Variants in VTI1A observed in about 807,000 individuals in gnomAD.
The protein encoded by VTI1A is vesicle transport through interaction with t-SNAREs 1A.
A neutral mutation model predicts 34.9 loss-of-function variants in VTI1A; 22 were observed. That is an observed-to-expected ratio of 0.63 (90% CI 0.45 to 0.90). The LOEUF (loss-of-function observed/expected upper bound fraction) is 0.90, where lower values mean the gene tolerates loss of function less well. Among genes scored for constraint, VTI1A ranks in the 40% least tolerant of loss-of-function variants. VTI1A has a pLI of 0.00. For synonymous variants in VTI1A, 87 were observed against 97.3 expected (o/e 0.89, Z 0.62); for missense variants, 268 against 275.6 (o/e 0.97, Z 0.20).
chr10:112,794,392 C>T (rs1852599170), intron 7 of VTI1A, among the ~76,000 whole-genome samples: 1 of 151,824 alleles, frequency 6.6e-6, no homozygotes, highest in African/African-American at 2.4e-5. Flanking sequence ...CCCATTGCTA[C>T]AAAAAATAAA....
Position 112,510,576 on chromosome 10 carries a change from C to T in VTI1A, c.265-16511C>T, listed in dbSNP as rs73365023. On this transcript the variant is annotated intron_variant, in intron 3 of 7. Transcript: ENST00000393077. ...GGTTGAGACTGGAAGGTTGTGGCTT[C>T]GGTGAGCTATGACTGTGCCACTGGT... Among the ~76,000 whole-genome samples, 615 of 152,154 alleles carry T rather than the reference C, an allele frequency of 4.0e-3. 6 individuals carry two copies. Among genetic ancestry groups the T allele is most frequent in the African/African-American group, 0.014 (590 of 41,514 alleles).
At chr10:112,692,943 TG>T (rs1848656307) in intron 7 of VTI1A, among the ~76,000 whole-genome samples, 1 of 152,168 alleles carries the variant, frequency 6.6e-6, no homozygotes, top group Non-Finnish European at 1.5e-5. Context: ...GTAAATCTGG[TG>T]CCTTGTGCAT....
intron 5 of VTI1A, among the ~76,000 whole-genome samples, chr10:112,551,242 TC>T (rs1851349038): frequency 2.1e-5 from 1 of 48,004 alleles, no homozygotes; most frequent in Non-Finnish European, 3.4e-5. Context: ...ATACTCCATC[TC>T]AAAAAAAAAA....
chr10:112,558,793 A>G (rs1851620803), intron 5 of VTI1A, among the ~76,000 whole-genome samples: 1 of 152,238 alleles, frequency 6.6e-6, no homozygotes, highest in African/African-American at 2.4e-5. Context: ...GGCAACAAAG[A>G]AAGAGATGTG....
chr10:112,546,589 C>T (rs1350136625), intron 5 of VTI1A, among the ~76,000 whole-genome samples: 1 of 151,990 alleles, frequency 6.6e-6, no homozygotes, highest in Non-Finnish European at 1.5e-5. Context: ...AGTAAAGCAT[C>T]CAGTAACCCA....
At chr10:112,694,386 GTGGA>G (rs992377962) in intron 7 of VTI1A, among the ~76,000 whole-genome samples, 17 of 147,638 alleles carry the variant, frequency 1.2e-4, no homozygotes, top group Non-Finnish European at 2.4e-4. Flanking sequence ...GGATGGATGG[GTGGA>G]TGGATGGATG....
At chr10:112,700,814 A>G (rs1390141605) in intron 7 of VTI1A, among the ~76,000 whole-genome samples, 1 of 152,220 alleles carries the variant, frequency 6.6e-6, no homozygotes, top group African/African-American at 2.4e-5. Flanking sequence ...AAAGTTACAG[A>G]TATTATATGA....
At chr10:112,855,305 C>T in the VTI1A span, among the ~76,000 whole-genome samples, 2 of 152,158 alleles carry the variant, frequency 1.3e-5, no homozygotes, top group African/African-American at 4.8e-5. Flanking sequence ...AGGAACCTGG[C>T]TTCTTCCCGC....
chr10:112,559,734 A>G (rs1176635900), intron 5 of VTI1A, among the ~76,000 whole-genome samples: 2 of 152,166 alleles, frequency 1.3e-5, no homozygotes, highest in Non-Finnish European at 2.9e-5. Context: ...ACTTCAATAA[A>G]ATGTTAATTC....
rs563106984 is a variant in VTI1A at position 112,638,129 on chromosome 10, G to A, written c.428-30089G>A. Among the ~76,000 whole-genome samples, 120 of 152,354 alleles carry A rather than the reference G, an allele frequency of 7.9e-4. 1 individual carries two copies. Among genetic ancestry groups the A allele is most frequent in the African/African-American group, 2.8e-3 (118 of 41,578 alleles). On this transcript the variant is annotated intron_variant, in intron 5 of 7. Transcript: ENST00000393077. ...TTGAGATTTCTGAGCAGGGCTGGTT[G>A]TTGGCAGAGAGTTCTCAGTGTATTA...
chr10:112,643,664 A>G (rs1846667139), intron 5 of VTI1A, among the ~76,000 whole-genome samples: 1 of 152,318 alleles, frequency 6.6e-6, no homozygotes, highest in East Asian at 1.9e-4. Flanking sequence ...TCATCGAGAG[A>G]ATCTCATTCT....
chr10:112,723,618 C>A (rs919780893), intron 7 of VTI1A, among the ~76,000 whole-genome samples: 2 of 152,198 alleles, frequency 1.3e-5, no homozygotes, highest in African/African-American at 4.8e-5. Flanking sequence ...GCTGATCAAA[C>A]CTGTGGTTTG....
At chr10:112,638,967 T>C (rs1158010581) in intron 5 of VTI1A, among the ~76,000 whole-genome samples, 1 of 152,098 alleles carries the variant, frequency 6.6e-6, no homozygotes, top group Non-Finnish European at 1.5e-5. Flanking sequence ...CCTGTTTCTT[T>C]CTACAAAATG....
chr10:112,584,743 A>T (rs1844081970), intron 5 of VTI1A, among the ~76,000 whole-genome samples: 1 of 152,214 alleles, frequency 6.6e-6, no homozygotes, highest in Non-Finnish European at 1.5e-5. Context: ...TGGAGTATAG[A>T]TAGAATTATT....
At chr10:112,591,688 G>A (rs1227075071) in intron 5 of VTI1A, among the ~76,000 whole-genome samples, 3 of 152,112 alleles carry the variant, frequency 2.0e-5, no homozygotes, top group Admixed American at 1.3e-4. Context: ...AAGCTCCTTC[G>A]CTATATTCCC....
At chr10:112,477,689 A>G (rs1164816257) in intron 3 of VTI1A, among the ~76,000 whole-genome samples, 3 of 152,204 alleles carry the variant, frequency 2.0e-5, no homozygotes, top group Non-Finnish European at 4.4e-5. Context: ...ATGTCTGATT[A>G]TAGAAATCAA....
At chr10:112,722,734 A>C (rs889271348) in intron 7 of VTI1A, among the ~76,000 whole-genome samples, 1 of 152,046 alleles carries the variant, frequency 6.6e-6, no homozygotes. Flanking sequence ...CCGCAGACCA[A>C]ATGAATCATA....
intron 7 of VTI1A, among the ~76,000 whole-genome samples, chr10:112,724,402 T>C (rs1849930673): frequency 6.6e-6 from 1 of 152,146 alleles, no homozygotes; most frequent in South Asian, 2.1e-4. Context: ...GGTACTTGTT[T>C]TGGATTTGCC....
chr10:112,669,551 T>C (rs1468433273), intron 7 of VTI1A, among the ~76,000 whole-genome samples: 1 of 152,164 alleles, frequency 6.6e-6, no homozygotes, highest in African/African-American at 2.4e-5. Flanking sequence ...CCTTGATTGA[T>C]GGAAAATATG....
Sources: gnomAD v4.1 joint callset for allele counts (sites outside exome capture counted in the v4.1 genomes callset) on GRCh38, gnomAD v4.1.1 for gene constraint, MANE v1.5 for transcripts, NCBI Gene and HGNC (gene_info 2026-07-23, HGNC 2026-07-21) for gene names.